CPVL: variants seen among roughly 807,000 people sequenced by gnomAD.
CPVL encodes probable serine carboxypeptidase CPVL.
Under a neutral mutation model 63.7 loss-of-function variants are expected in CPVL, and 51 were observed. The ratio of observed to expected loss-of-function variants is 0.80; its 90% CI spans 0.64 to 1.01. CPVL has a LOEUF of 1.01. Among genes scored for constraint, CPVL ranks in the 50% least tolerant of loss-of-function variants. The pLI, the probability that CPVL is intolerant of heterozygous loss-of-function variation, is 0.00. For missense variants in CPVL, 530 were observed against 573.1 expected (o/e 0.92, Z 0.77); for synonymous variants, 195 against 206.0 (o/e 0.95, Z 0.46).
intron 1 of CPVL, among the ~76,000 whole-genome samples, chr7:29,124,656 T>TA: frequency 6.6e-6 from 1 of 152,078 alleles, no homozygotes; most frequent in Non-Finnish European, 1.5e-5. Flanking sequence ...ACCAAAAAGA[T>TA]AAAATTATTA....
chr7:29,009,422 C>G (rs1203206109), intron 12 of CPVL: 1 of 151,978 alleles, frequency 6.6e-6, no homozygotes, highest in Non-Finnish European at 1.5e-5. Flanking sequence ...GAGGCTGACA[C>G]AGACACAAGG....
chr7:29,108,768 C>T (rs371030197), intron 3 of CPVL, among the ~76,000 whole-genome samples: 7 of 152,290 alleles, frequency 4.6e-5, no homozygotes, highest in African/African-American at 1.7e-4. Context: ...GAAACCAGTG[C>T]TCAGAGACAC....
chr7:29,050,351 C>T (rs555405239), intron 11 of CPVL, among the ~76,000 whole-genome samples: 91 of 151,872 alleles, frequency 6.0e-4, no homozygotes, highest in African/African-American at 2.1e-3. Flanking sequence ...CTCTTCTATA[C>T]GCAGTGACCA....
At chr7:29,001,734 T>C (rs1784660766) in intron 12 of CPVL, among the ~76,000 whole-genome samples, 1 of 152,176 alleles carries the variant, frequency 6.6e-6, no homozygotes, top group Non-Finnish European at 1.5e-5. Context: ...TCTAGGTGCT[T>C]CAGGAGACCC....
intron 12 of CPVL, among the ~76,000 whole-genome samples, chr7:29,028,881 C>T (rs1423223419): frequency 6.0e-5 from 9 of 149,910 alleles, no homozygotes; most frequent in African/African-American, 1.5e-4. Context: ...AGGAGAATGG[C>T]GCGAACCGGT....
intron 3 of CPVL, among the ~76,000 whole-genome samples, chr7:29,105,971 G>A (rs888861397): frequency 4.6e-5 from 7 of 152,198 alleles, no homozygotes; most frequent in African/African-American, 1.7e-4. Flanking sequence ...GCTCACAGAT[G>A]GACAAGCCCA....
At chr7:29,080,557 C>CAAAAAAAAAAAAAAAAAAAA (rs138264408) in intron 7 of CPVL, among the ~76,000 whole-genome samples, 1 of 103,206 alleles carries the variant, frequency 9.7e-6, no homozygotes. Context: ...CACTTTGTCT[C>CAAAAAAAAAAAAAAAAAAAA]AAAAAAAAAA....
intron 11 of CPVL, among the ~76,000 whole-genome samples, chr7:29,031,704 T>A (rs1788035303): frequency 6.6e-6 from 1 of 152,150 alleles, no homozygotes; most frequent in African/African-American, 2.4e-5. Context: ...TTGAGTCTTA[T>A]AATGAAAAAC....
chr7:29,148,138 C>T (rs1403406), upstream of CPVL, among the ~76,000 whole-genome samples: 14,505 of 152,156 alleles, frequency 0.095, 1,557 homozygotes, highest in African/African-American at 0.24. Flanking sequence ...CTGCTGCTGG[C>T]GTGCAGACCC....
chr7:29,174,706 C>T (rs1276134643), intron 5 of CPVL, among the ~76,000 whole-genome samples: 2 of 151,918 alleles, frequency 1.3e-5, no homozygotes, highest in Non-Finnish European at 2.9e-5. Context: ...GCTAAAGATA[C>T]AAAATTAGCT....
chr7:29,146,969 G>T, upstream of CPVL: 3 of 1,550,818 alleles, frequency 1.9e-6, no homozygotes, highest in African/African-American at 2.7e-5. Flanking sequence ...CAGTAAGCTC[G>T]CACCAAGTGC....
intron 3 of CPVL, among the ~76,000 whole-genome samples, chr7:29,097,994 C>A (rs1395121851): frequency 5.3e-5 from 8 of 152,166 alleles, no homozygotes; most frequent in Admixed American, 2.6e-4. Flanking sequence ...CTACTTGGCT[C>A]CCCTGCTTGG....
chr7:29,038,515 A>G (rs553273374), intron 11 of CPVL, among the ~76,000 whole-genome samples: 6 of 152,312 alleles, frequency 3.9e-5, no homozygotes, highest in African/African-American at 1.2e-4. Context: ...GCCTGAACTA[A>G]GACAGTCAGC....
intron 12 of CPVL, among the ~76,000 whole-genome samples, chr7:29,025,779 T>G (rs555756235): frequency 5.9e-5 from 9 of 152,332 alleles, no homozygotes; most frequent in Admixed American, 2.6e-4. Flanking sequence ...ATCCCAATTA[T>G]ATTAAATATA....
intron 12 of CPVL, chr7:29,012,609 CAG>C (rs1211948586): frequency 6.6e-6 from 1 of 152,186 alleles, no homozygotes; most frequent in Non-Finnish European, 1.5e-5. Context: ...GACTGGAAGA[CAG>C]AGACAATGCT....
At chr7:29,004,709 T>C (rs1045867357) in intron 12 of CPVL, among the ~76,000 whole-genome samples, 2 of 152,166 alleles carry the variant, frequency 1.3e-5, no homozygotes, top group African/African-American at 4.8e-5. Flanking sequence ...GGGTGACCAC[T>C]TGTCGCACTG....
chr7:29,123,290 T>G (rs1324042211), intron 1 of CPVL, among the ~76,000 whole-genome samples: 2 of 152,040 alleles, frequency 1.3e-5, no homozygotes, highest in Admixed American at 6.6e-5. Flanking sequence ...ATAATGTGAT[T>G]GAATATATAA....
chr7:29,042,621 C>T (rs1789220417), intron 11 of CPVL, among the ~76,000 whole-genome samples: 1 of 151,614 alleles, frequency 6.6e-6, no homozygotes, highest in Admixed American at 6.6e-5. Context: ...AACAAAACAA[C>T]AAAAGAAAAA....
At chr7:29,017,158 C>T (rs1254531047) in intron 12 of CPVL, among the ~76,000 whole-genome samples, 1 of 152,234 alleles carries the variant, frequency 6.6e-6, no homozygotes, top group Non-Finnish European at 1.5e-5. Flanking sequence ...CCAGACTATG[C>T]ACTCTGCCCT....
Sources: allele counts gnomAD v4.1 joint callset (sites outside exome capture counted in the v4.1 genomes callset), GRCh38; gene constraint gnomAD v4.1.1; transcripts MANE v1.5; gene names NCBI Gene and HGNC (gene_info 2026-07-23, HGNC 2026-07-21).